Variants in FRMD6 observed in about 807,000 individuals in gnomAD.
FRMD6 encodes the protein FERM domain containing 6.
In FRMD6, 37 loss-of-function variants were observed where a neutral mutation model predicts 73.2. That is an observed-to-expected ratio of 0.51 (90% CI 0.39 to 0.66). FRMD6 has a LOEUF of 0.66. Ranked by LOEUF, FRMD6 falls within the 30% of genes least tolerant of loss-of-function variation. The probability of loss-of-function intolerance (pLI) is 0.00; values close to 1 mark genes in which losing one functional copy is unlikely to be tolerated. For missense variants in FRMD6, 714 were observed against 780.5 expected (o/e 0.91, Z 1.02); for synonymous variants, 273 against 282.2 (o/e 0.97, Z 0.33).
At chr14:51,675,512 C>T (rs1014215414) in intron 1 of FRMD6, among the ~76,000 whole-genome samples, 1 of 152,040 alleles carries the variant, frequency 6.6e-6, no homozygotes, top group Non-Finnish European at 1.5e-5. Context: ...ATAAAAGAAA[C>T]ATTTTTATCA....
chr14:51,718,622 C>T (rs1487725115), intron 10 of FRMD6, among the ~76,000 whole-genome samples: 1 of 152,170 alleles, frequency 6.6e-6, no homozygotes, highest in Non-Finnish European at 1.5e-5. Flanking sequence ...ATTGTTAGGC[C>T]CCAGTCTGCT....
At position 51,696,970 on chromosome 14, in the gene FRMD6, C is replaced by T. The variant is rs532040903; in HGVS notation, c.100-1172C>T. 3.3e-5 allele frequency among the ~76,000 whole-genome samples: 5 copies of T among 152,218 alleles called. No homozygotes were observed. In the South Asian group the frequency reaches 6.2e-4, roughly 19 times the overall value. On this transcript the variant is annotated intron_variant, in intron 2 of 13. Transcript: ENST00000344768. ...ACTAAATAGCAGGGAAATGTGACAT[C>T]TCACACCTGTTAGAATGGCTATTAT...
At chr14:51,515,407 A>C (rs1225508004) in intron 1 of FRMD6, among the ~76,000 whole-genome samples, 1 of 152,176 alleles carries the variant, frequency 6.6e-6, no homozygotes, top group Non-Finnish European at 1.5e-5. Flanking sequence ...CCTGAACGTC[A>C]GTATATCTGC....
intron 1 of FRMD6, among the ~76,000 whole-genome samples, chr14:51,505,321 C>T (rs1314614028): frequency 6.6e-6 from 1 of 152,188 alleles, no homozygotes; most frequent in Non-Finnish European, 1.5e-5. Flanking sequence ...TCTCTCACCT[C>T]AGCCTCCCAA....
chr14:51,540,486 T>C (rs1235952740), intron 1 of FRMD6, among the ~76,000 whole-genome samples: 1 of 152,152 alleles, frequency 6.6e-6, no homozygotes, highest in Non-Finnish European at 1.5e-5. Flanking sequence ...CCGTGCTGTT[T>C]TGTCTTTGGG....
chr14:51,467,243 T>G, the FRMD6 span, among the ~76,000 whole-genome samples: 4 of 152,084 alleles, frequency 2.6e-5, no homozygotes, highest in Admixed American at 6.5e-5. Context: ...ATTTAACCCT[T>G]AGTGGACACA....
chr14:51,446,265 G>C, the FRMD6 span, among the ~76,000 whole-genome samples: 1 of 152,146 alleles, frequency 6.6e-6, no homozygotes, highest in Non-Finnish European at 1.5e-5. Flanking sequence ...TGACCGCGAT[G>C]GTTTTCCCTG....
At chr14:51,478,053 C>T in the FRMD6 span, among the ~76,000 whole-genome samples, 1 of 152,092 alleles carries the variant, frequency 6.6e-6, no homozygotes, top group African/African-American at 2.4e-5. Flanking sequence ...TTTTCTATAG[C>T]ATGTTATATG....
At chr14:51,483,137 G>T in the FRMD6 span, among the ~76,000 whole-genome samples, 1 of 152,288 alleles carries the variant, frequency 6.6e-6, no homozygotes, top group Non-Finnish European at 1.5e-5. Context: ...TCAATTTTAT[G>T]AAGTGTTTTT....
At chr14:51,405,413 TTTCTCCAGCATCTGTTA>T in the FRMD6 span, among the ~76,000 whole-genome samples, 1 of 152,176 alleles carries the variant, frequency 6.6e-6, no homozygotes, top group Non-Finnish European at 1.5e-5. Flanking sequence ...AGTGTTCCCT[TTTCTCCAGCATCTGTTA>T]TTCTCCAGCA....
intron 2 of FRMD6, among the ~76,000 whole-genome samples, chr14:51,580,086 G>A (rs1888629397): frequency 6.6e-6 from 1 of 152,070 alleles, no homozygotes; most frequent in African/African-American, 2.4e-5. Flanking sequence ...TTGTAGCATT[G>A]TTGTTAGAAG....
At chr14:51,485,032 C>T (rs1001746194), upstream of FRMD6, among the ~76,000 whole-genome samples, 4 of 152,188 alleles carry the variant, frequency 2.6e-5, no homozygotes, top group Non-Finnish European at 5.9e-5. Context: ...AGTTTATACC[C>T]TGCGAGGTCC....
At chr14:51,487,168 T>C (rs866236821), upstream of FRMD6, among the ~76,000 whole-genome samples, 9 of 152,192 alleles carry the variant, frequency 5.9e-5, no homozygotes, top group Admixed American at 3.9e-4. Context: ...CCAGTATTGT[T>C]TGTTACTGTA....
At chr14:51,701,938 A>C (rs1896350047) in intron 4 of FRMD6, among the ~76,000 whole-genome samples, 1 of 151,946 alleles carries the variant, frequency 6.6e-6, no homozygotes, top group Admixed American at 6.6e-5. Flanking sequence ...TACATGAGAG[A>C]ACATTAATAG....
At chr14:51,707,134 A>C (rs1370395034) in intron 6 of FRMD6, among the ~76,000 whole-genome samples, 1 of 152,158 alleles carries the variant, frequency 6.6e-6, no homozygotes, top group Non-Finnish European at 1.5e-5. Context: ...AGGTTGATAA[A>C]TAACTGATTT....
intron 1 of FRMD6, among the ~76,000 whole-genome samples, chr14:51,688,799 A>G (rs1353941050): frequency 6.6e-6 from 1 of 152,234 alleles, no homozygotes; most frequent in African/African-American, 2.4e-5. Flanking sequence ...ATTATTCTGC[A>G]AGATCTCACT....
At chr14:51,705,074 C>A in intron 6 of FRMD6, 139 bp downstream of exon 6, 1 of 697,306 alleles carries the variant, frequency 1.4e-6, no homozygotes, top group Non-Finnish European at 2.4e-6. Context: ...ATATTTAATG[C>A]TTAAGAACGT....
chr14:51,667,300 G>A (rs1893673549), intron 1 of FRMD6, among the ~76,000 whole-genome samples: 1 of 152,070 alleles, frequency 6.6e-6, no homozygotes, highest in Admixed American at 6.5e-5. Context: ...AGTTACTAGT[G>A]GATAGCACCT....
intron 2 of FRMD6, among the ~76,000 whole-genome samples, chr14:51,690,865 T>C (rs998284618): frequency 3.3e-5 from 5 of 152,086 alleles, no homozygotes; most frequent in East Asian, 3.9e-4. Flanking sequence ...TTTTTAACTT[T>C]AAAAAAATTG....
Sources: allele counts gnomAD v4.1 joint callset (sites outside exome capture counted in the v4.1 genomes callset), GRCh38; gene constraint gnomAD v4.1.1; transcripts MANE v1.5; gene names NCBI Gene and HGNC (gene_info 2026-07-23, HGNC 2026-07-21).